The following VAMP7 variants were observed in gnomAD, a reference collection of about 807,000 sequenced individuals.
The protein encoded by VAMP7 is vesicle associated membrane protein 7.
In VAMP7, 14 loss-of-function variants were observed where a neutral mutation model predicts 29.6. That is an observed-to-expected ratio of 0.47 (90% CI 0.31 to 0.74). The LOEUF (loss-of-function observed/expected upper bound fraction) is 0.74, where lower values mean the gene tolerates loss of function less well. Among genes scored for constraint, VAMP7 ranks in the 30% least tolerant of loss-of-function variants. The probability of loss-of-function intolerance (pLI) is 0.05; values close to 1 mark genes in which losing one functional copy is unlikely to be tolerated. For synonymous variants in VAMP7, 95 were observed against 88.1 expected (o/e 1.08, Z -0.44); for missense variants, 223 against 262.4 (o/e 0.85, Z 1.04).
intron 6 of VAMP7, 39 bp downstream of exon 6, chrX:155,919,919 G>C: frequency 6.7e-7 from 1 of 1,492,374 alleles, no homozygotes; most frequent in South Asian, 1.2e-5. Context: ...CTGATGTAAA[G>C]TGGAGAAACT....
At position 155,942,272 on chromosome X, in the gene VAMP7, C is replaced by A; in HGVS notation, c.*321C>A. On this transcript the variant is annotated 3_prime_UTR_variant, in exon 8 of 8. Coordinates refer to ENST00000286448, the MANE Select transcript of VAMP7 (RefSeq NM_005638.6). ...ATTGCTCAAAGCTGTCGCCGCTAGT[C>A]TTATGAGCTATCTACTAAAACTATG... The A allele has an allele frequency of 8.8e-7, 1 of 1,133,762 alleles. No homozygotes were observed. Among genetic ancestry groups the A allele is most frequent in the Non-Finnish European group, 1.2e-6 (1 of 815,822 alleles). The allele number at this position is 1,133,762 out of a possible 1,614,324, so 70.2% of individuals were successfully genotyped here.
Position 155,942,272 on chromosome X carries a change from CT to C in VAMP7, c.*323del. ...ATTGCTCAAAGCTGTCGCCGCTAGTCTTATGAGCTATCTACTAAAACTATGG... is the reference window on the plus strand; with the variant it reads ...ATTGCTCAAAGCTGTCGCCGCTAGTCTATGAGCTATCTACTAAAACTATGG... On this transcript the variant is annotated 3_prime_UTR_variant, in exon 8 of 8. Transcript: ENST00000286448. 1.8e-6 allele frequency: 2 copies of C among 1,133,764 alleles called. No individual in the cohort carries two copies. Among genetic ancestry groups the C allele is most frequent in the Non-Finnish European group, 2.5e-6 (2 of 815,824 alleles). 70.2% of individuals were successfully genotyped at this position (1,133,764 alleles called of 1,614,324 possible). A position where few individuals can be genotyped will look rare whatever the true frequency, so the allele number is the denominator to read the frequency against.
intron 6 of VAMP7, among the ~76,000 whole-genome samples, chrX:155,927,232 T>C (rs2066480623): frequency 6.6e-6 from 1 of 151,414 alleles, no homozygotes; most frequent in Non-Finnish European, 1.5e-5. Flanking sequence ...GAGTGGGGGC[T>C]AGGGGAGGGA....
At chrX:155,923,048 C>T (rs1242975249) in intron 6 of VAMP7, among the ~76,000 whole-genome samples, 1 of 151,818 alleles carries the variant, frequency 6.6e-6, no homozygotes, top group Non-Finnish European at 1.5e-5. Flanking sequence ...GGCATTTTTC[C>T]ACTTCATGAA....
intron 6 of VAMP7, among the ~76,000 whole-genome samples, chrX:155,937,088 T>C (rs2066670926): frequency 6.6e-6 from 1 of 152,060 alleles, no homozygotes. Context: ...TCCAATGGCA[T>C]TTTTCACAGA....
chrX:155,910,971 T>C (rs929508126), intron 5 of VAMP7, among the ~76,000 whole-genome samples: 2 of 152,208 alleles, frequency 1.3e-5, no homozygotes, highest in African/African-American at 4.8e-5. Context: ...TTTCTTTTCG[T>C]TACCTGTCCT....
intron 6 of VAMP7, among the ~76,000 whole-genome samples, chrX:155,926,866 T>C (rs2066474686): frequency 6.6e-6 from 1 of 152,124 alleles, no homozygotes; most frequent in Non-Finnish European, 1.5e-5. Flanking sequence ...AATTTCAATA[T>C]TGTGTCTCGG....
intron 5 of VAMP7, among the ~76,000 whole-genome samples, chrX:155,912,743 C>A (rs1277097658): frequency 6.6e-6 from 1 of 152,144 alleles, no homozygotes; most frequent in East Asian, 1.9e-4. Context: ...GCCACATTTT[C>A]TTTATCCAGT....
chrX:155,926,919 G>T (rs1286875331), intron 6 of VAMP7, among the ~76,000 whole-genome samples: 2 of 152,046 alleles, frequency 1.3e-5, no homozygotes, highest in Non-Finnish European at 2.9e-5. Context: ...GAGAATAGCT[G>T]GTCAGTGAAC....
At chrX:155,883,461 GA>G (rs1399411853) in intron 1 of VAMP7, among the ~76,000 whole-genome samples, 2 of 151,930 alleles carry the variant, frequency 1.3e-5, no homozygotes, top group Non-Finnish European at 1.5e-5. Flanking sequence ...TACAGGGGTG[GA>G]AAAAAATTAA....
chrX:155,892,038 A>T (rs533269514), intron 2 of VAMP7, among the ~76,000 whole-genome samples: 1 of 152,122 alleles, frequency 6.6e-6, no homozygotes, highest in African/African-American at 2.4e-5. Context: ...TCTTCCACTC[A>T]TGTATTATGA....
chrX:155,882,711 C>A (rs2065818002), intron 1 of VAMP7, among the ~76,000 whole-genome samples: 1 of 152,122 alleles, frequency 6.6e-6, no homozygotes, highest in Admixed American at 6.5e-5. Context: ...ATTATTCTTA[C>A]CAGGTCCTTC....
chrX:155,939,557 G>A, intron 6 of VAMP7, 144 bp from the exon 7 acceptor site: 1 of 698,632 alleles, frequency 1.4e-6, no homozygotes, highest in South Asian at 1.7e-5. Context: ...GGCAACTATT[G>A]AGTATGAATG....
intron 6 of VAMP7, among the ~76,000 whole-genome samples, chrX:155,920,768 A>T (rs1311587231): frequency 2.0e-5 from 3 of 152,204 alleles, no homozygotes; most frequent in Non-Finnish European, 4.4e-5. Flanking sequence ...CAGATAATGC[A>T]TGTAAAGTGC....
chrX:155,934,485 A>G (rs1449916278), intron 6 of VAMP7, among the ~76,000 whole-genome samples: 2 of 151,892 alleles, frequency 1.3e-5, no homozygotes, highest in African/African-American at 4.8e-5. Context: ...GATCCTTGCT[A>G]GTTTAAAGTC....
At chrX:155,896,868 TG>T (rs1377707853) in intron 3 of VAMP7, among the ~76,000 whole-genome samples, 1 of 152,172 alleles carries the variant, frequency 6.6e-6, no homozygotes, top group African/African-American at 2.4e-5. Context: ...AGAATGTTTT[TG>T]TTTTCTTTTT....
intron 1 of VAMP7, among the ~76,000 whole-genome samples, chrX:155,886,548 A>C (rs1448888610): frequency 6.6e-6 from 1 of 152,040 alleles, no homozygotes; most frequent in Non-Finnish European, 1.5e-5. Flanking sequence ...CTTTATATAA[A>C]CTCAAAAACT....
intron 5 of VAMP7, among the ~76,000 whole-genome samples, chrX:155,913,443 T>C (rs1286329060): frequency 6.6e-6 from 1 of 152,218 alleles, no homozygotes; most frequent in Non-Finnish European, 1.5e-5. Context: ...ATGAAATCTT[T>C]GCCCATACCT....
intron 7 of VAMP7, 57 bp from the exon 8 acceptor site, chrX:155,941,826 T>C: frequency 6.5e-7 from 1 of 1,548,478 alleles, no homozygotes. Flanking sequence ...CTATATATAT[T>C]ATTTAGAATA....
Sources: allele counts gnomAD v4.1 joint callset (sites outside exome capture counted in the v4.1 genomes callset), GRCh38; gene constraint gnomAD v4.1.1; transcripts MANE v1.5; gene names NCBI Gene and HGNC (gene_info 2026-07-23, HGNC 2026-07-21).